Variants in SHROOM2 observed in about 807,000 individuals in gnomAD.
SHROOM2 encodes the protein protein Shroom2.
Under a neutral mutation model 75.9 loss-of-function variants are expected in SHROOM2, and 33 were observed. The observed-to-expected ratio is 0.43, with a 90% CI of 0.33 to 0.58. The LOEUF (loss-of-function observed/expected upper bound fraction) is 0.58, where lower values mean the gene tolerates loss of function less well. Ranked by LOEUF, SHROOM2 falls within the 20% of genes least tolerant of loss-of-function variation. The pLI is 0.04. For missense variants in SHROOM2, 1,434 were observed against 1,461.2 expected (o/e 0.98, Z 0.30); for synonymous variants, 655 against 663.6 (o/e 0.99, Z 0.20).
Position 9,823,756 on chromosome X carries a change from C to CTTTTT in SHROOM2, c.165+37048_165+37052dup, listed in dbSNP as rs1293537759. Among the ~76,000 whole-genome samples, 19 of 85,915 alleles carry CTTTTT rather than the reference C, an allele frequency of 2.2e-4. 3 individuals are homozygous for CTTTTT. The highest frequency in any genetic ancestry group is 3.1e-4 in the Admixed American group (2 of 6,494). 74.6% of individuals were successfully genotyped at this position (85,915 alleles called of 115,157 possible). ...ACATTTTTTTTCTTTTTTCTTTTTT[C>CTTTTT]TTTTTTCTTTTTTTTTTTTTGAGAC... On this transcript the variant is annotated intron_variant, in intron 1 of 9. Transcript: ENST00000380913.
Position 9,786,655 on chromosome X carries a change from G to T in SHROOM2, c.110G>T (p.Trp37Leu), listed in dbSNP as rs1170894148. 2 of 887,040 alleles carry T rather than the reference G, an allele frequency of 2.3e-6. No individual in the cohort carries two copies. The highest frequency in any genetic ancestry group is 6.5e-5 in the Admixed American group (1 of 15,456). 73.1% of individuals were successfully genotyped at this position (887,040 alleles called of 1,213,427 possible). The change falls in exon 1 of 10, where the codon TGG (tryptophan) becomes TTG (leucine). Residue 37 changes from tryptophan to leucine, a missense_variant. This residue lies in a region of SHROOM2 where 1,340 missense variants were observed against 1,338.3 expected (regional missense o/e 1.00). Coordinates refer to ENST00000380913, the MANE Select transcript of SHROOM2 (RefSeq NM_001649.4). ...VEVQLSGGAP[W>L]GFTLKGGREH... The stretch of plus-strand genomic sequence containing the variant: ...GTGCAGCTGAGCGGCGGCGCCCCGT[G>T]GGGCTTCACCCTGAAGGGCGGCCGC...
intron 5 of SHROOM2, among the ~76,000 whole-genome samples, chrX:9,900,666 CTTT>C (rs111894148): frequency 9.1e-6 from 1 of 110,352 alleles, no homozygotes. Flanking sequence ...AGTGATGATA[CTTT>C]TTTTTTAAGT....
intron 6 of SHROOM2, among the ~76,000 whole-genome samples, chrX:9,935,838 T>C (rs911767722): frequency 3.6e-5 from 4 of 111,605 alleles, no homozygotes; most frequent in African/African-American, 1.3e-4. Context: ...CACATCCTAA[T>C]TTGGGGTTGT....
chrX:9,807,132 A>G (rs1396341965), intron 1 of SHROOM2, among the ~76,000 whole-genome samples: 1 of 111,883 alleles, frequency 8.9e-6, no homozygotes, highest in African/African-American at 3.2e-5. Context: ...GTCTGGATTC[A>G]GGAGCCTCAT....
At chrX:9,901,612 T>A (rs1232159499) in intron 5 of SHROOM2, among the ~76,000 whole-genome samples, 2 of 112,116 alleles carry the variant, frequency 1.8e-5, no homozygotes, top group Non-Finnish European at 3.8e-5. Flanking sequence ...ACCATGCAAC[T>A]GAAGGCTGAC....
rs1159014158 is a variant in SHROOM2 at position 9,823,020 on chromosome X, TCTCCTTCTCCTCCTCCTCCTC to T, written c.165+36316_165+36336del. Among the ~76,000 whole-genome samples the T allele has an allele frequency of 8.1e-4, 46 of 56,774 alleles. 1 individual carries two copies. The highest frequency in any genetic ancestry group is 2.6e-3 in the African/African-American group (38 of 14,883). The allele number at this position is 56,774 out of a possible 115,157, so 49.3% of individuals were successfully genotyped here. A position where few individuals can be genotyped will look rare whatever the true frequency, so the allele number is the denominator to read the frequency against. The stretch of plus-strand genomic sequence containing the variant: ...TTCTTCTTCTTCTTCTTCTTCTCCT[TCTCCTTCTCCTCCTCCTCCTC>T]CTCCTCCTCCTCCTCCTCCTCCTCC... On this transcript the variant is annotated intron_variant, in intron 1 of 9. Coordinates refer to ENST00000380913, the MANE Select transcript of SHROOM2 (RefSeq NM_001649.4).
At chrX:9,814,060 GGTT>G (rs1326861504) in intron 1 of SHROOM2, among the ~76,000 whole-genome samples, 1 of 111,832 alleles carries the variant, frequency 8.9e-6, no homozygotes, top group Non-Finnish European at 1.9e-5. Context: ...GCAAGGCATT[GGTT>G]AAGGGTATGT....
At chrX:9,816,128 A>T (rs2083820239) in intron 1 of SHROOM2, among the ~76,000 whole-genome samples, 1 of 112,110 alleles carries the variant, frequency 8.9e-6, no homozygotes, top group Non-Finnish European at 1.9e-5. Flanking sequence ...ATTCCTTTTC[A>T]TGTCTGAATG....
intron 1 of SHROOM2, among the ~76,000 whole-genome samples, chrX:9,846,444 G>A (rs1357168214): frequency 8.9e-6 from 1 of 111,833 alleles, no homozygotes; most frequent in Non-Finnish European, 1.9e-5. Flanking sequence ...ACAGGCACGT[G>A]CCACCACACC....
intron 6 of SHROOM2, among the ~76,000 whole-genome samples, chrX:9,936,857 A>G (rs781240486): frequency 8.9e-6 from 1 of 112,115 alleles, no homozygotes; most frequent in East Asian, 2.8e-4. Flanking sequence ...GCCCTCCACG[A>G]ACCCCTGGAG....
intron 1 of SHROOM2, 75 bp downstream of exon 1, chrX:9,786,785 CG>C (rs1176703090): frequency 2.7e-6 from 2 of 747,114 alleles, no homozygotes; most frequent in African/African-American, 4.6e-5. Context: ...GGTAGGGGCG[CG>C]GGAGGGGCGG....
intron 5 of SHROOM2, among the ~76,000 whole-genome samples, chrX:9,918,273 A>G (rs779457512): frequency 8.9e-6 from 1 of 112,231 alleles, no homozygotes; most frequent in East Asian, 2.8e-4. Flanking sequence ...TGAAGATAAT[A>G]TAGAAATTGT....
intron 5 of SHROOM2, among the ~76,000 whole-genome samples, chrX:9,906,402 C>T (rs147655667): frequency 4.7e-4 from 53 of 111,823 alleles, no homozygotes; most frequent in African/African-American, 1.5e-3. Context: ...TACTGAACTG[C>T]GCTGTTTCAA....
rs547628727 is a variant in SHROOM2, at chrX:9,792,575, G to A, written c.165+5865G>A. On this transcript the variant is annotated intron_variant, in intron 1 of 9. Coordinates refer to ENST00000380913, the MANE Select transcript of SHROOM2 (RefSeq NM_001649.4). ...AACAGCATCTTGGCTTGGCTAGGAA[G>A]GGCTGGGATTATCTTTCTTTTGGCA... Among the ~76,000 whole-genome samples the A allele has an allele frequency of 1.4e-4, 15 of 109,040 alleles. No homozygotes were observed. The South Asian group carries it at 5.6e-3, about 41-fold the overall frequency. 94.7% of individuals were successfully genotyped at this position (109,040 alleles called of 115,157 possible).
intron 6 of SHROOM2, among the ~76,000 whole-genome samples, chrX:9,934,266 C>A (rs1041386204): frequency 2.7e-5 from 3 of 111,784 alleles, no homozygotes; most frequent in Admixed American, 9.5e-5. Flanking sequence ...GTATTCCCAT[C>A]GCCGCAGAAA....
At chrX:9,807,177 T>C (rs2083758230) in intron 1 of SHROOM2, among the ~76,000 whole-genome samples, 1 of 112,037 alleles carries the variant, frequency 8.9e-6, no homozygotes, top group South Asian at 3.7e-4. Context: ...TGAGCCTGGA[T>C]GATCCCCCAG....
rs2146716617 is a variant in SHROOM2, at chrX:9,786,638, G to A, written c.93G>A (p.Leu31=). 1.1e-6 allele frequency: 1 copy of A among 885,181 alleles called. No homozygotes were observed. The highest frequency in any genetic ancestry group is 1.4e-6 in the Non-Finnish European group (1 of 722,404). The allele number at this position is 885,181 out of a possible 1,213,427, so 72.9% of individuals were successfully genotyped here. A position where few individuals can be genotyped will look rare whatever the true frequency, so the allele number is the denominator to read the frequency against. Residue 31 remains leucine (L), a synonymous_variant, in exon 1 of 10, where the codon CTG becomes CTA. Transcript: ENST00000380913. ...GCGGGCGCCTGGTGGAGGTGCAGCT[G>A]AGCGGCGGCGCCCCGTGGGGCTTCA... The part of the protein sequence containing the change: ...ADGGRLVEVQ[L]SGGAPWGFTL...
At chrX:9,893,112 A>T (rs1252536617) in intron 3 of SHROOM2, among the ~76,000 whole-genome samples, 1 of 110,142 alleles carries the variant, frequency 9.1e-6, no homozygotes, top group Non-Finnish European at 1.9e-5. Flanking sequence ...TATTATTATT[A>T]TTATCTTTGA....
At chrX:9,944,524 C>T (rs1021098977) in intron 8 of SHROOM2, 117 bp from the exon 9 acceptor site, 9 of 727,313 alleles carry the variant, frequency 1.2e-5, no homozygotes, top group Admixed American at 7.9e-5. Context: ...TGAGCTTTCA[C>T]GCAGGTCAGC....
Sources: gnomAD v4.1 joint callset for allele counts (sites outside exome capture counted in the v4.1 genomes callset) on GRCh38, gnomAD v4.1.1 for gene constraint, gnomAD v4.1.1 regional missense constraint, MANE v1.5 for transcripts, NCBI Gene and HGNC (gene_info 2026-07-23, HGNC 2026-07-21) for gene names.